The following FRZB variants were observed in gnomAD, a reference collection of about 807,000 sequenced individuals.
FRZB encodes frizzled related protein.
A neutral mutation model predicts 32.5 loss-of-function variants in FRZB; 34 were observed. The observed-to-expected ratio is 1.05, with a 90% CI of 0.80 to 1.39. The LOEUF is 1.39. FRZB is among the 40% of genes most tolerant of loss of function. FRZB has a pLI of 0.00. For missense variants in FRZB, 423 were observed against 424.8 expected (o/e 1.00, Z 0.04); for synonymous variants, 170 against 159.2 (o/e 1.07, Z -0.51).
At chr2:182,854,265 A>G (rs1312119191) in intron 2 of FRZB, among the ~76,000 whole-genome samples, 1 of 152,168 alleles carries the variant, frequency 6.6e-6, no homozygotes, top group African/African-American at 2.4e-5. Flanking sequence ...CATGCATGTT[A>G]TACTTTAATG....
intron 2 of FRZB, among the ~76,000 whole-genome samples, chr2:182,850,171 G>A (rs1466482939): frequency 1.0e-5 from 1 of 99,822 alleles, no homozygotes; most frequent in Non-Finnish European, 2.2e-5. Context: ...TTCATATAAT[G>A]TGTAAATATC....
At chr2:182,865,096 T>C (rs1695876247) in intron 1 of FRZB, among the ~76,000 whole-genome samples, 1 of 152,184 alleles carries the variant, frequency 6.6e-6, no homozygotes, top group Non-Finnish European at 1.5e-5. Context: ...TTGACTCCAT[T>C]AAATTTAGAG....
chr2:182,842,032 A>G (rs1199097612), intron 3 of FRZB, among the ~76,000 whole-genome samples: 1 of 152,174 alleles, frequency 6.6e-6, no homozygotes, highest in Non-Finnish European at 1.5e-5. Context: ...CAAATCTGTC[A>G]GTGTTTTTCA....
chr2:182,850,093 T>A (rs1483945098), intron 2 of FRZB, among the ~76,000 whole-genome samples: 3 of 152,208 alleles, frequency 2.0e-5, no homozygotes, highest in South Asian at 2.1e-4. Flanking sequence ...CGAGTAAGTG[T>A]CCCTTATATT....
chr2:182,860,084 G>C (rs1328146592), intron 1 of FRZB, among the ~76,000 whole-genome samples: 1 of 152,158 alleles, frequency 6.6e-6, no homozygotes, highest in Non-Finnish European at 1.5e-5. Context: ...AGAAATAAGA[G>C]TGAAAAATAA....
At chr2:182,853,676 G>A (rs1695734368) in intron 2 of FRZB, among the ~76,000 whole-genome samples, 1 of 152,198 alleles carries the variant, frequency 6.6e-6, no homozygotes, top group African/African-American at 2.4e-5. Flanking sequence ...TTCAGTGGAA[G>A]TCAACAGAGA....
chr2:182,834,730 T>A lies in FRZB; in HGVS notation c.*119A>T, dbSNP rs892918464. The A allele has an allele frequency of 1.3e-6, 1 of 759,108 alleles. No individual in the cohort carries two copies. Among genetic ancestry groups the A allele is most frequent in the African/African-American group, 1.7e-5 (1 of 58,074 alleles). 47.0% of individuals were successfully genotyped at this position (759,108 alleles called of 1,614,324 possible). On this transcript the variant is annotated 3_prime_UTR_variant, in exon 6 of 6. Transcript: ENST00000295113. ...ACAGAAGTAATAATCAGTTATCACATGATTTTTATAGTAAACAATAGAATA... is the reference window on the plus strand; with the variant it reads ...ACAGAAGTAATAATCAGTTATCACAAGATTTTTATAGTAAACAATAGAATA...
intron 2 of FRZB, among the ~76,000 whole-genome samples, chr2:182,850,357 C>T (rs562880390): frequency 5.3e-5 from 8 of 152,214 alleles, no homozygotes; most frequent in Middle Eastern, 3.4e-3. Flanking sequence ...ATTAATCATC[C>T]TCTCTTCATT....
chr2:182,866,434 A>G lies in FRZB; in HGVS notation c.119T>C (p.Ile40Thr), dbSNP rs1695893741. The G allele has an allele frequency of 3.1e-6, 5 of 1,595,266 alleles. No homozygotes were observed. The highest frequency in any genetic ancestry group is 8.6e-7 in the Non-Finnish European group (1 of 1,168,940). The change falls in exon 1 of 6, where the codon ATC (isoleucine) becomes ACC (threonine). Residue 40 changes from isoleucine to threonine, a missense_variant. Coordinates refer to ENST00000295113, the MANE Select transcript of FRZB (RefSeq NM_001463.4). This position sits in a 1 kb window ranked among gnomAD's most constrained non-coding sequence, Gnocchi z 4.5. ...ARAAACEPVR[I>T]PLCKSLPWNM... ...CCAGGGCAGGGACTTGCACAGGGGG[A>G]TGCGGACGGGCTCACAGGCTGCAGC...
chr2:182,862,768 CTTTTCTTT>C (rs1475297450), intron 1 of FRZB, among the ~76,000 whole-genome samples: 24 of 100,176 alleles, frequency 2.4e-4, no homozygotes, highest in South Asian at 7.9e-4. Flanking sequence ...CTTTTCTTTT[CTTTTCTTT>C]TTTTTTTTTT....
intron 2 of FRZB, among the ~76,000 whole-genome samples, chr2:182,853,992 C>G (rs1267146114): frequency 6.6e-6 from 1 of 152,134 alleles, no homozygotes; most frequent in Non-Finnish European, 1.5e-5. Context: ...AAGTGAAAAA[C>G]TACTGCTATA....
rs114009330 is a variant in FRZB at position 182,856,138 on chromosome 2, C to T, written c.526+2648G>A. Reference sequence around the variant, plus strand: ...TGCTTTAAAACAAGTACAAAAAATACTTAAGAAAGTTCTTCAGACAGAACT... The same window carrying T: ...TGCTTTAAAACAAGTACAAAAAATATTTAAGAAAGTTCTTCAGACAGAACT... On this transcript the variant is annotated intron_variant, in intron 2 of 5. Transcript: ENST00000295113. Among the ~76,000 whole-genome samples the T allele has an allele frequency of 9.6e-3, 1,463 of 151,672 alleles. 18 individuals are homozygous for T. The highest frequency in any genetic ancestry group is 0.033 in the African/African-American group (1,381 of 41,402).
At chr2:182,838,730 A>G in intron 3 of FRZB, 117 bp from the exon 4 acceptor site, 1 of 813,316 alleles carries the variant, frequency 1.2e-6, no homozygotes, top group South Asian at 1.7e-5. Flanking sequence ...TATTCAACGA[A>G]TGGAACAGAA....
At position 182,835,163 on chromosome 2, in the gene FRZB, A is replaced by G. The variant is rs556428301; in HGVS notation, c.862-198T>C. ...ATTATTCTCTGACTTTAACAAGCGC[A>G]ACATCTATAATGTATTTAGTAATGC... On this transcript the variant is annotated intron_variant, in intron 5 of 5. Transcript: ENST00000295113. 2.0e-5 allele frequency among the ~76,000 whole-genome samples: 3 copies of G among 152,246 alleles called. No individual in the cohort carries two copies. The East Asian group carries it at 5.8e-4, about 29-fold the overall frequency.
chr2:182,844,350 A>G (rs1695617039), intron 2 of FRZB, among the ~76,000 whole-genome samples: 1 of 152,236 alleles, frequency 6.6e-6, no homozygotes, highest in Non-Finnish European at 1.5e-5. Context: ...AAAGAGAACA[A>G]AAAGTTACCT....
chr2:182,862,532 GT>G (rs1345983291), intron 1 of FRZB, among the ~76,000 whole-genome samples: 7 of 152,082 alleles, frequency 4.6e-5, no homozygotes, highest in Admixed American at 4.6e-4. Context: ...AATAAGATTT[GT>G]TTTTCCAGTT....
chr2:182,835,091 T>C (rs1695509303), intron 5 of FRZB, 126 bp from the exon 6 acceptor site: 1 of 691,680 alleles, frequency 1.4e-6, no homozygotes, highest in Non-Finnish European at 2.5e-6. Context: ...TTTCCAAAAG[T>C]ATCAATCTAT....
At chr2:182,847,526 T>G (rs962757899) in intron 2 of FRZB, among the ~76,000 whole-genome samples, 5 of 152,188 alleles carry the variant, frequency 3.3e-5, no homozygotes, top group Admixed American at 6.5e-5. Flanking sequence ...GACTGGACCC[T>G]GAGCAAAAGA....
intron 2 of FRZB, among the ~76,000 whole-genome samples, chr2:182,851,561 C>T (rs904064807): frequency 6.6e-6 from 1 of 151,900 alleles, no homozygotes; most frequent in Non-Finnish European, 1.5e-5. Context: ...GAGGCTAAGA[C>T]AGGAGAATTG....
Sources: allele counts gnomAD v4.1 joint callset (sites outside exome capture counted in the v4.1 genomes callset), GRCh38; gene constraint gnomAD v4.1.1; non-coding constraint Gnocchi (gnomAD v3.1); transcripts MANE v1.5; gene names NCBI Gene and HGNC (gene_info 2026-07-23, HGNC 2026-07-21).